Variants in OSBPL9 observed in about 807,000 individuals in gnomAD.
The protein encoded by OSBPL9 is oxysterol binding protein like 9.
Under a neutral mutation model 106.6 loss-of-function variants are expected in OSBPL9, and 40 were observed. That is an observed-to-expected ratio of 0.38 (90% CI 0.29 to 0.49). OSBPL9 has a LOEUF of 0.49. Among genes scored for constraint, OSBPL9 ranks in the 20% least tolerant of loss-of-function variants. The pLI is 0.97. For missense variants in OSBPL9, 609 were observed against 887.2 expected, an observed-to-expected ratio of 0.69 and a Z score of 3.98; for synonymous variants, 269 against 295.4, an observed-to-expected ratio of 0.91 and a Z score of 0.92.
At chr1:51,555,373 C>T in the OSBPL9 span, among the ~76,000 whole-genome samples, 1 of 151,060 alleles carries the variant, frequency 6.6e-6, no homozygotes. Context: ...GCCTGTAATC[C>T]CAGCTACTCG....
chr1:51,625,352 A>T (rs1368436109), intron 1 of OSBPL9, among the ~76,000 whole-genome samples: 1 of 152,150 alleles, frequency 6.6e-6, no homozygotes, highest in African/African-American at 2.4e-5. Context: ...TGCCAGTTGG[A>T]AGGATTAGAT....
At chr1:51,639,860 T>C (rs573226668) in intron 1 of OSBPL9, among the ~76,000 whole-genome samples, 1 of 143,410 alleles carries the variant, frequency 7.0e-6, no homozygotes, top group South Asian at 2.4e-4. Flanking sequence ...GGTCTCGCTC[T>C]GTGGTCCAGG....
chr1:51,711,491 G>C (rs1169376694), intron 3 of OSBPL9, among the ~76,000 whole-genome samples: 6 of 139,476 alleles, frequency 4.3e-5, no homozygotes, highest in African/African-American at 1.1e-4. Context: ...TCCCGGACGG[G>C]GCGGCTGGCC....
chr1:51,658,279 A>T (rs1646937495), intron 2 of OSBPL9, among the ~76,000 whole-genome samples: 1 of 152,118 alleles, frequency 6.6e-6, no homozygotes, highest in Non-Finnish European at 1.5e-5. Context: ...CCATTTACTC[A>T]TAGTGTTGTG....
intron 3 of OSBPL9, among the ~76,000 whole-genome samples, chr1:51,683,146 A>G (rs1289147703): frequency 1.3e-5 from 2 of 151,844 alleles, no homozygotes; most frequent in Non-Finnish European, 2.9e-5. Flanking sequence ...AAGTGCTGGG[A>G]CTACAGGCGT....
upstream of OSBPL9, chr1:51,617,061 C>A: frequency 1.3e-6 from 2 of 1,561,534 alleles, no homozygotes; most frequent in South Asian, 2.4e-5. Flanking sequence ...TGCTGAATGC[C>A]ATATAGGCGA....
chr1:51,578,794 C>T (rs917260797), intron 1 of OSBPL9, among the ~76,000 whole-genome samples: 11 of 151,998 alleles, frequency 7.2e-5, no homozygotes, highest in East Asian at 1.9e-4. Flanking sequence ...GTGAAAGAGA[C>T]GGATAAGTAA....
At chr1:51,669,665 T>C (rs1422532324) in intron 3 of OSBPL9, 153 bp downstream of exon 3, 1 of 737,020 alleles carries the variant, frequency 1.4e-6, no homozygotes, top group Non-Finnish European at 2.4e-6. Context: ...TACTGCAGGT[T>C]AGGCAGGGAT....
rs1677493557 is a variant in OSBPL9 at position 51,785,869 on chromosome 1, G to A, written c.1891G>A (p.Ala631Thr). 1.2e-6 allele frequency: 2 copies of A among 1,610,740 alleles called. No individual in the cohort carries two copies. Among genetic ancestry groups the A allele is most frequent in the African/African-American group, 1.3e-5 (1 of 74,780 alleles). Residue 631 changes from alanine (A) to threonine (T), a missense_variant, in exon 21 of 24, where the codon GCA becomes ACA. Ala to Thr is a moderately conservative substitution (Grantham distance 58). This residue lies in a region of OSBPL9 where 132 missense variants were observed against 158.1 expected (regional missense o/e 0.83). Transcript: ENST00000428468. ...AGGGGAATGGAATGGTGTGATGTAT[G>A]CAAAATATGCAACAGGGGTAAGATC... ...IEGEWNGVMYAKYATGENTVF... is the reference protein window; with the variant it reads ...IEGEWNGVMYTKYATGENTVF...
chr1:51,588,024 TGAAA>T (rs976050421), intron 1 of OSBPL9, among the ~76,000 whole-genome samples: 57 of 152,154 alleles, frequency 3.7e-4, no homozygotes, highest in Admixed American at 1.2e-3. Flanking sequence ...TCCTCATCAC[TGAAA>T]GAGTGAATAA....
intron 4 of OSBPL9, among the ~76,000 whole-genome samples, chr1:51,731,392 G>A (rs1406425938): frequency 6.6e-6 from 1 of 152,088 alleles, no homozygotes. Flanking sequence ...TTGAGGTTGC[G>A]GTGAGCTATG....
chr1:51,731,992 A>G (rs927570457), intron 4 of OSBPL9, among the ~76,000 whole-genome samples: 6 of 152,188 alleles, frequency 3.9e-5, no homozygotes, highest in Non-Finnish European at 5.9e-5. Context: ...TGGTATTTCT[A>G]AAGTTCTATG....
intron 1 of OSBPL9, 147 bp from the exon 2 acceptor site, chr1:51,651,844 A>T: frequency 1.6e-6 from 1 of 622,858 alleles, no homozygotes; most frequent in Non-Finnish European, 2.8e-6. Context: ...TTATTTTCCT[A>T]TCCATAAGTA....
intron 9 of OSBPL9, 24 bp from the exon 10 acceptor site, chr1:51,760,666 C>A (rs1371007002): frequency 6.2e-7 from 1 of 1,612,852 alleles, no homozygotes. Context: ...TTAAAAATAG[C>A]TATATTGTGT....
At chr1:51,576,573 G>C (rs1308251516), upstream of OSBPL9, among the ~76,000 whole-genome samples, 2 of 151,998 alleles carry the variant, frequency 1.3e-5, no homozygotes, top group Non-Finnish European at 2.9e-5. Context: ...TGTCGCCCAG[G>C]TTGCAGTGCA....
intron 1 of OSBPL9, among the ~76,000 whole-genome samples, chr1:51,577,647 A>G (rs10888726): frequency 0.16 from 24,197 of 152,198 alleles, 3,743 homozygotes; most frequent in African/African-American, 0.4. Context: ...GAAGAAAGAA[A>G]AAGTGCTATG....
At chr1:51,637,758 C>G (rs1192875972) in intron 1 of OSBPL9, among the ~76,000 whole-genome samples, 1 of 152,204 alleles carries the variant, frequency 6.6e-6, no homozygotes, top group Non-Finnish European at 1.5e-5. Flanking sequence ...GGCTATCTAA[C>G]TGATACATTT....
intron 4 of OSBPL9, among the ~76,000 whole-genome samples, chr1:51,724,188 C>G (rs1299455867): frequency 1.3e-5 from 2 of 152,150 alleles, no homozygotes; most frequent in East Asian, 3.9e-4. Context: ...TTAAGTGATT[C>G]ACCCACCTCA....
At chr1:51,702,091 A>G (rs1436691141) in intron 3 of OSBPL9, among the ~76,000 whole-genome samples, 1 of 152,228 alleles carries the variant, frequency 6.6e-6, no homozygotes, top group Non-Finnish European at 1.5e-5. Flanking sequence ...TATTGTGAAT[A>G]GTGCCACAGT....
Sources: gnomAD v4.1 joint callset for allele counts (sites outside exome capture counted in the v4.1 genomes callset) on GRCh38, gnomAD v4.1.1 for gene constraint, gnomAD v4.1.1 regional missense constraint, MANE v1.5 for transcripts, NCBI Gene and HGNC (gene_info 2026-07-23, HGNC 2026-07-21) for gene names.